Variants in PEX5L observed in about 807,000 individuals in gnomAD.
PEX5L encodes the protein peroxisomal biogenesis factor 5 like.
A neutral mutation model predicts 84.0 loss-of-function variants in PEX5L; 30 were observed. The ratio of observed to expected loss-of-function variants is 0.36; its 90% CI spans 0.27 to 0.48. The LOEUF (loss-of-function observed/expected upper bound fraction) is 0.48. Ranked by LOEUF, PEX5L falls within the 20% of genes least tolerant of loss-of-function variation. The pLI is 0.99. For missense variants in PEX5L, 533 were observed against 754.6 expected, an observed-to-expected ratio of 0.71 and a Z score of 3.44; for synonymous variants, 270 against 283.1, an observed-to-expected ratio of 0.95 and a Z score of 0.46.
chr3:179,872,824 T>C (rs1326160264), intron 7 of PEX5L, among the ~76,000 whole-genome samples: 2 of 152,242 alleles, frequency 1.3e-5, no homozygotes, highest in Non-Finnish European at 2.9e-5. Context: ...AGCCTAAATC[T>C]CTACTGTACT....
intron 2 of PEX5L, among the ~76,000 whole-genome samples, chr3:179,930,235 T>G (rs1332901786): frequency 1.3e-5 from 2 of 149,878 alleles, no homozygotes; most frequent in Non-Finnish European, 2.9e-5. Flanking sequence ...CTCTTTTGAT[T>G]TTTGTTTTCT....
At chr3:179,910,560 C>T (rs987315300) in intron 2 of PEX5L, among the ~76,000 whole-genome samples, 3 of 152,134 alleles carry the variant, frequency 2.0e-5, no homozygotes, top group Non-Finnish European at 4.4e-5. Flanking sequence ...AATCCTGTAC[C>T]ACTGATAGTT....
At chr3:179,839,892 T>C (rs899948011) in intron 8 of PEX5L, among the ~76,000 whole-genome samples, 18 of 152,180 alleles carry the variant, frequency 1.2e-4, no homozygotes, top group Non-Finnish European at 2.2e-4. Flanking sequence ...TTAAGAAAAG[T>C]TGATCAAAAA....
intron 2 of PEX5L, among the ~76,000 whole-genome samples, chr3:179,967,127 G>A (rs544116482): frequency 4.6e-5 from 7 of 152,278 alleles, no homozygotes; most frequent in African/African-American, 1.7e-4. Flanking sequence ...CTAGTAGATG[G>A]TTATTTTATA....
intron 2 of PEX5L, among the ~76,000 whole-genome samples, chr3:179,954,229 T>G (rs1779942888): frequency 2.0e-5 from 3 of 148,250 alleles, no homozygotes; most frequent in Admixed American, 6.7e-5. Context: ...AAGTCAGCCA[T>G]GAGTAAAAGG....
At chr3:179,846,427 GA>G (rs1739378689) in intron 8 of PEX5L, among the ~76,000 whole-genome samples, 2 of 152,182 alleles carry the variant, frequency 1.3e-5, no homozygotes, top group South Asian at 4.2e-4. Flanking sequence ...TTCAACACTA[GA>G]ACTTATTCTA....
At chr3:179,995,221 C>T (rs1787777305) in intron 1 of PEX5L, among the ~76,000 whole-genome samples, 1 of 147,312 alleles carries the variant, frequency 6.8e-6, no homozygotes, top group Non-Finnish European at 1.5e-5. Flanking sequence ...CACACACTAT[C>T]TACATAGTGT....
intron 1 of PEX5L, among the ~76,000 whole-genome samples, chr3:180,017,429 T>C (rs1402888432): frequency 6.6e-6 from 1 of 152,194 alleles, no homozygotes; most frequent in Non-Finnish European, 1.5e-5. Flanking sequence ...CCGTTATCAG[T>C]GTGAACTATG....
chr3:179,860,332 C>T (rs908443592), intron 7 of PEX5L, among the ~76,000 whole-genome samples: 1 of 152,156 alleles, frequency 6.6e-6, no homozygotes, highest in Non-Finnish European at 1.5e-5. Flanking sequence ...ATGAATTTCC[C>T]CGGTCCCTTT....
At chr3:179,925,843 A>G (rs916121084) in intron 2 of PEX5L, among the ~76,000 whole-genome samples, 1 of 152,140 alleles carries the variant, frequency 6.6e-6, no homozygotes, top group African/African-American at 2.4e-5. Flanking sequence ...TTAATATACC[A>G]CAACATACAA....
At chr3:179,898,009 T>A (rs559046547) in intron 3 of PEX5L, 133 bp downstream of exon 3, 3 of 508,726 alleles carry the variant, frequency 5.9e-6, no homozygotes, top group Non-Finnish European at 1.0e-5. Context: ...TATATTTGTA[T>A]AATTGTTTCA....
chr3:179,830,314 A>AT (rs1732371774), intron 8 of PEX5L, among the ~76,000 whole-genome samples: 1 of 110,138 alleles, frequency 9.1e-6, no homozygotes, highest in African/African-American at 3.5e-5. Context: ...TGACTACCTG[A>AT]TTGTCAAAAT....
intron 1 of PEX5L, among the ~76,000 whole-genome samples, chr3:180,011,819 T>G (rs1789516688): frequency 6.6e-6 from 1 of 152,136 alleles, no homozygotes; most frequent in African/African-American, 2.4e-5. Flanking sequence ...AGACCACATT[T>G]AAAGGGCTAT....
intron 8 of PEX5L, among the ~76,000 whole-genome samples, chr3:179,834,185 C>T (rs1446521994): frequency 6.6e-6 from 1 of 152,142 alleles, no homozygotes; most frequent in Non-Finnish European, 1.5e-5. Flanking sequence ...GATAAAATGG[C>T]TAAAGTTGAA....
intron 2 of PEX5L, among the ~76,000 whole-genome samples, chr3:179,905,899 C>G (rs1440114849): frequency 6.6e-6 from 1 of 152,168 alleles, no homozygotes; most frequent in African/African-American, 2.4e-5. Flanking sequence ...CATAAACGCT[C>G]AAGTGCACTC....
chr3:179,969,334 T>C (rs1784166794), intron 2 of PEX5L, among the ~76,000 whole-genome samples: 1 of 152,046 alleles, frequency 6.6e-6, no homozygotes, highest in East Asian at 1.9e-4. Context: ...AAATGGCATA[T>C]AATGCTATAG....
chr3:179,904,938 C>T (rs1227384802), intron 2 of PEX5L, among the ~76,000 whole-genome samples: 1 of 152,172 alleles, frequency 6.6e-6, no homozygotes, highest in African/African-American at 2.4e-5. Context: ...CCCATCATGG[C>T]TCTTCCTGCC....
chr3:180,034,410 T>C (rs902265927), intron 1 of PEX5L, among the ~76,000 whole-genome samples: 1 of 151,280 alleles, frequency 6.6e-6, no homozygotes, highest in Non-Finnish European at 1.5e-5. Flanking sequence ...TTCTTATCTG[T>C]GATTAGAGTC....
chr3:179,890,119 C>A lies in PEX5L; in HGVS notation c.199-2335G>T, dbSNP rs561183415. 4.6e-5 allele frequency among the ~76,000 whole-genome samples: 7 copies of A among 152,222 alleles called. No individual in the cohort carries two copies. The South Asian group carries it at 1.5e-3, about 32-fold the overall frequency. On this transcript the variant is annotated intron_variant, in intron 3 of 14. Transcript: ENST00000467460. The stretch of plus-strand genomic sequence containing the variant: ...TACATATTTCCTGGTAGGACTTGCT[C>A]TTTTAACCATATGTGCTTAATGTAA...
Sources: allele counts gnomAD v4.1 joint callset (sites outside exome capture counted in the v4.1 genomes callset), GRCh38; gene constraint gnomAD v4.1.1; transcripts MANE v1.5; gene names NCBI Gene and HGNC (gene_info 2026-07-23, HGNC 2026-07-21).